Variants in DMD observed in about 807,000 individuals in gnomAD.
DMD encodes mutant dystrophin.
Under a neutral mutation model 330.1 loss-of-function variants are expected in DMD, and 63 were observed. The observed-to-expected ratio is 0.19, with a 90% CI of 0.16 to 0.24. The LOEUF is 0.24. Ranked by LOEUF, DMD falls within the 10% of genes least tolerant of loss-of-function variation. The pLI is 1.00. For synonymous variants in DMD, 1,223 were observed against 959.8 expected (o/e 1.27, Z -5.07); for missense variants, 3,344 against 2,684.1 (o/e 1.25, Z -5.43).
At chrX:32,183,846 ATTATCTT>A (rs1255487079) in intron 44 of DMD, among the ~76,000 whole-genome samples, 1 of 109,523 alleles carries the variant, frequency 9.1e-6, no homozygotes, top group African/African-American at 3.3e-5. Flanking sequence ...AATAATTACT[ATTATCTT>A]TTAAGTAGCA....
chrX:31,283,850 A>G (rs954845490), intron 62 of DMD, among the ~76,000 whole-genome samples: 2 of 112,201 alleles, frequency 1.8e-5, no homozygotes. Context: ...TAGCATACCA[A>G]TTAAGCAAAC....
At chrX:31,581,235 T>C (rs2076328615) in intron 55 of DMD, among the ~76,000 whole-genome samples, 1 of 112,116 alleles carries the variant, frequency 8.9e-6, no homozygotes, top group African/African-American at 3.2e-5. Context: ...GTTTTGTTTC[T>C]ATTTTAATTT....
intron 16 of DMD, among the ~76,000 whole-genome samples, chrX:32,564,415 G>T (rs2051436999): frequency 9.0e-6 from 1 of 111,676 alleles, no homozygotes; most frequent in African/African-American, 3.3e-5. Flanking sequence ...TCAGTGTTGG[G>T]TTAAAAAGTA....
At chrX:32,498,752 A>T (rs10522002) in intron 19 of DMD, among the ~76,000 whole-genome samples, 1 of 111,692 alleles carries the variant, frequency 9.0e-6, no homozygotes, top group Non-Finnish European at 1.9e-5. Flanking sequence ...CCAATTGATC[A>T]TAAAACTTGT....
chrX:31,292,805 T>G (rs887988388), intron 62 of DMD, among the ~76,000 whole-genome samples: 2 of 111,919 alleles, frequency 1.8e-5, no homozygotes, highest in African/African-American at 6.5e-5. Flanking sequence ...TGCAACAACA[T>G]GAGTTAATCT....
intron 60 of DMD, among the ~76,000 whole-genome samples, chrX:31,366,134 C>A (rs924686128): frequency 9.0e-6 from 1 of 111,628 alleles, no homozygotes; most frequent in Non-Finnish European, 1.9e-5. Context: ...TTTACAAGAT[C>A]ATTTTCAAAT....
intron 78 of DMD, among the ~76,000 whole-genome samples, chrX:31,122,844 A>T (rs1254605982): frequency 8.9e-6 from 1 of 111,952 alleles, no homozygotes; most frequent in African/African-American, 3.2e-5. Context: ...GGTACTTCGT[A>T]GCAAAATTCA....
Position 32,508,957 on chromosome X carries a change from C to T in DMD, c.2293-7115G>A, listed in dbSNP as rs5927999. Among the ~76,000 whole-genome samples the T allele has an allele frequency of 3.6e-4, 39 of 109,412 alleles. No homozygotes were observed. The East Asian group carries it at 0.011, about 30-fold the overall frequency. On this transcript the variant is annotated intron_variant, in intron 18 of 78. Coordinates refer to ENST00000357033, the MANE Select transcript of DMD (RefSeq NM_004006.3). The stretch of plus-strand genomic sequence containing the variant: ...TCCTGAGTAGCTGGGACTACAGGCG[C>T]CCGCAACCATGCCCGGCTAATTTTT...
At chrX:32,253,625 CTT>C (rs200535114) in intron 43 of DMD, among the ~76,000 whole-genome samples, 62 of 88,973 alleles carry the variant, frequency 7.0e-4, no homozygotes, top group Admixed American at 1.7e-3. Flanking sequence ...TTGATTTAAT[CTT>C]TTTTTTTTTT....
At chrX:32,280,794 T>C (rs1018826520) in intron 43 of DMD, among the ~76,000 whole-genome samples, 4 of 112,101 alleles carry the variant, frequency 3.6e-5, no homozygotes, top group Non-Finnish European at 7.5e-5. Context: ...TCTTTCCTTA[T>C]ATGGGTAATG....
chrX:33,208,350 A>T (rs746906446), intron 1 of DMD, among the ~76,000 whole-genome samples: 4 of 111,763 alleles, frequency 3.6e-5, no homozygotes, highest in Non-Finnish European at 7.6e-5. Flanking sequence ...TTAAATGTCA[A>T]CACATCTCTT....
At chrX:32,784,824 CTGAA>C (rs1337233011) in intron 7 of DMD, among the ~76,000 whole-genome samples, 3 of 111,533 alleles carry the variant, frequency 2.7e-5, no homozygotes, top group African/African-American at 9.8e-5. Flanking sequence ...AAAATATTCT[CTGAA>C]TTAGTTCACA....
chrX:32,445,195 A>G (rs2098298281), intron 27 of DMD, among the ~76,000 whole-genome samples: 1 of 111,365 alleles, frequency 9.0e-6, no homozygotes, highest in South Asian at 3.7e-4. Context: ...GCTCATATGA[A>G]TAAGGCCAAT....
intron 12 of DMD, among the ~76,000 whole-genome samples, chrX:32,613,260 T>A (rs2149345105): frequency 9.0e-6 from 1 of 111,461 alleles, no homozygotes; most frequent in Non-Finnish European, 1.9e-5. Flanking sequence ...GTGGCAACCC[T>A]AATCCTGGGA....
At chrX:33,032,129 T>A (rs1225677973) in intron 1 of DMD, among the ~76,000 whole-genome samples, 2 of 112,107 alleles carry the variant, frequency 1.8e-5, no homozygotes, top group Non-Finnish European at 3.8e-5. Flanking sequence ...GCCTTGGTCA[T>A]GTGACTTGCC....
chrX:31,335,291 T>C (rs1262685274), intron 61 of DMD, among the ~76,000 whole-genome samples: 1 of 112,506 alleles, frequency 8.9e-6, no homozygotes, highest in African/African-American at 3.2e-5. Context: ...TTCTGGACAT[T>C]AGACTAAGCA....
chrX:32,386,275 G>A (rs752934076), intron 33 of DMD, 35 bp downstream of exon 33: 3 of 1,201,108 alleles, frequency 2.5e-6, no homozygotes, highest in African/African-American at 3.5e-5. Context: ...TAAGGAAAGT[G>A]GAAAGAAGTG....
At chrX:31,481,492 G>A (rs2068285215) in intron 57 of DMD, among the ~76,000 whole-genome samples, 1 of 111,778 alleles carries the variant, frequency 8.9e-6, no homozygotes, top group Admixed American at 9.5e-5. Context: ...GTGAAAATTT[G>A]GTGACTGAAT....
At chrX:32,690,631 G>T (rs1054614287) in intron 9 of DMD, among the ~76,000 whole-genome samples, 1 of 108,760 alleles carries the variant, frequency 9.2e-6, no homozygotes, top group Non-Finnish European at 1.9e-5. Flanking sequence ...AAATTGTATT[G>T]TCATGAAGAC....
Sources: gnomAD v4.1 joint callset for allele counts (sites outside exome capture counted in the v4.1 genomes callset) on GRCh38, gnomAD v4.1.1 for gene constraint, MANE v1.5 for transcripts, NCBI Gene and HGNC (gene_info 2026-07-23, HGNC 2026-07-21) for gene names.